Variants in PID1 observed in about 807,000 individuals in gnomAD.
PID1 encodes phosphotyrosine interaction domain containing 1.
PID1 carries 10 observed loss-of-function variants against 19.1 expected under a neutral mutation model. The observed-to-expected ratio is 0.52, with a 90% CI of 0.32 to 0.89. PID1 has a LOEUF of 0.89. Among genes scored for constraint, PID1 ranks in the 40% least tolerant of loss-of-function variants. PID1 has a pLI of 0.03. For missense variants in PID1, 248 were observed against 285.3 expected, an observed-to-expected ratio of 0.87 and a Z score of 0.94; for synonymous variants, 130 against 116.0, an observed-to-expected ratio of 1.12 and a Z score of -0.78.
intron 1 of PID1, among the ~76,000 whole-genome samples, chr2:229,196,636 G>T (rs1397160069): frequency 6.6e-6 from 1 of 151,986 alleles, no homozygotes; most frequent in South Asian, 2.1e-4. Context: ...GTGTCATATC[G>T]CTTATGAAAC....
chr2:229,105,131 G>A (rs182608950), intron 2 of PID1, among the ~76,000 whole-genome samples: 66 of 152,274 alleles, frequency 4.3e-4, no homozygotes, highest in African/African-American at 1.4e-3. Flanking sequence ...ACATCCTTAC[G>A]CAAGAGGGAT....
chr2:229,157,191 A>G (rs1690390462), intron 1 of PID1, among the ~76,000 whole-genome samples: 1 of 152,170 alleles, frequency 6.6e-6, no homozygotes, highest in Admixed American at 6.5e-5. Context: ...TGAAAGTGGG[A>G]GGCCAAGGAA....
chr2:229,068,550 A>G (rs1694380306), intron 2 of PID1, among the ~76,000 whole-genome samples: 1 of 152,198 alleles, frequency 6.6e-6, no homozygotes, highest in Non-Finnish European at 1.5e-5. Context: ...TTTGTCAGTT[A>G]CAGGTATTTG....
rs191595387 is a variant in PID1, at chr2:229,096,834, A to G, written c.177+58984T>C. The stretch of plus-strand genomic sequence containing the variant: ...AAGGATCCCTGCAATGTGCCCTTGT[A>G]ATAATAACCCCACAGTTGGATCTCA... On this transcript the variant is annotated intron_variant, in intron 2 of 2. Transcript: ENST00000392055. Among the ~76,000 whole-genome samples, 92 of 152,288 alleles carry G rather than the reference A, an allele frequency of 6.0e-4. 2 individuals carry two copies. Among genetic ancestry groups the G allele is most frequent in the Admixed American group, 6.0e-3 (91 of 15,290 alleles).
At chr2:229,137,528 T>C (rs571592040) in intron 2 of PID1, among the ~76,000 whole-genome samples, 9 of 152,198 alleles carry the variant, frequency 5.9e-5, no homozygotes, top group Non-Finnish European at 1.2e-4. Flanking sequence ...TCCAATTAGA[T>C]ACTAATGGTT....
At chr2:229,134,231 G>GTTTTTTTTTTTTTTTTTTTTT (rs60513006) in intron 2 of PID1, among the ~76,000 whole-genome samples, 4 of 109,202 alleles carry the variant, frequency 3.7e-5, no homozygotes, top group African/African-American at 1.1e-4. Context: ...TACTACCTGT[G>GTTTTTTTTTTTTTTTTTTTTT]TTTTTTTTTT....
chr2:229,121,769 T>A (rs1695526694), intron 2 of PID1, among the ~76,000 whole-genome samples: 1 of 152,178 alleles, frequency 6.6e-6, no homozygotes, highest in East Asian at 1.9e-4. Context: ...CTACAAGAAG[T>A]CATACACTTG....
chr2:229,110,483 C>T (rs1455835462), intron 2 of PID1, among the ~76,000 whole-genome samples: 1 of 152,094 alleles, frequency 6.6e-6, no homozygotes, highest in Non-Finnish European at 1.5e-5. Context: ...AGGGGCAGTT[C>T]ACAGAATATA....
intron 2 of PID1, among the ~76,000 whole-genome samples, chr2:229,135,997 T>G (rs1173089418): frequency 6.6e-6 from 1 of 152,192 alleles, no homozygotes; most frequent in Non-Finnish European, 1.5e-5. Context: ...GAGTATAAGA[T>G]GGATTTGGTT....
At chr2:229,177,867 A>C (rs1690857918) in intron 1 of PID1, among the ~76,000 whole-genome samples, 1 of 152,164 alleles carries the variant, frequency 6.6e-6, no homozygotes, top group Non-Finnish European at 1.5e-5. Flanking sequence ...ACTACGGTTA[A>C]ACCCATTTAC....
intron 2 of PID1, among the ~76,000 whole-genome samples, chr2:229,112,643 G>A (rs1236819434): frequency 1.3e-5 from 2 of 152,054 alleles, no homozygotes; most frequent in Non-Finnish European, 2.9e-5. Flanking sequence ...CTGCCACCAG[G>A]CCTGGCTAAT....
intron 2 of PID1, among the ~76,000 whole-genome samples, chr2:229,139,099 GAAAGAAAGAAAGAAAGAGAA>G (rs1689943956): frequency 1.4e-5 from 1 of 73,266 alleles, no homozygotes; most frequent in Admixed American, 1.3e-4. Flanking sequence ...AAGAAAGAAA[GAAAGAAAGAAAGAAAGAGAA>G]AGAAAGAAAG....
intron 1 of PID1, among the ~76,000 whole-genome samples, chr2:229,258,070 T>C (rs1690351421): frequency 6.6e-6 from 1 of 152,208 alleles, no homozygotes; most frequent in South Asian, 2.1e-4. Flanking sequence ...CTGAGTCTAC[T>C]GGCCATGGAG....
At chr2:229,047,288 A>C (rs1417603213) in intron 2 of PID1, among the ~76,000 whole-genome samples, 2 of 152,218 alleles carry the variant, frequency 1.3e-5, no homozygotes, top group South Asian at 2.1e-4. Flanking sequence ...TGATCCTTCC[A>C]TCTGGCCCCC....
At chr2:229,055,244 G>T (rs1277610905) in intron 2 of PID1, among the ~76,000 whole-genome samples, 1 of 152,156 alleles carries the variant, frequency 6.6e-6, no homozygotes, top group East Asian at 1.9e-4. Flanking sequence ...CCCTCGACAT[G>T]GCCTCCTTTT....
At chr2:229,049,450 T>C (rs1693946500) in intron 2 of PID1, among the ~76,000 whole-genome samples, 3 of 152,284 alleles carry the variant, frequency 2.0e-5, no homozygotes, top group South Asian at 2.1e-4. Flanking sequence ...ATAAATAATA[T>C]GGGGTGGTAA....
intron 1 of PID1, chr2:229,227,914 A>AGG: frequency 2.2e-6 from 1 of 453,772 alleles, no homozygotes; most frequent in Non-Finnish European, 4.4e-6. Context: ...AATATACAGG[A>AGG]GGGTGTGCAT....
intron 1 of PID1, among the ~76,000 whole-genome samples, chr2:229,175,149 G>GA (rs1690794867): frequency 1.3e-5 from 2 of 152,156 alleles, no homozygotes; most frequent in Non-Finnish European, 2.9e-5. Flanking sequence ...TTTACAAACA[G>GA]AAAAAAAGTT....
rs72386398 is a variant in PID1, at chr2:229,222,864, AACACACACACACAC to A, written c.30+48136_30+48149del. 1.3e-4 allele frequency among the ~76,000 whole-genome samples: 13 copies of A among 103,980 alleles called. No homozygotes were observed. In the South Asian group the frequency reaches 3.3e-3, roughly 26 times the overall value. 68.2% of individuals were successfully genotyped at this position (103,980 alleles called of 152,430 possible). On this transcript the variant is annotated intron_variant, in intron 1 of 2. Coordinates refer to ENST00000392055, the MANE Select transcript of PID1 (RefSeq NM_001100818.2). Reference sequence around the variant, plus strand: ...ATTTTAAAAAGTCTCTTCACACACAAACACACACACACACACACACACACACACACACACACATG... The same window carrying A: ...ATTTTAAAAAGTCTCTTCACACACAAACACACACACACACACACACACATG...
Sources: allele counts gnomAD v4.1 joint callset (sites outside exome capture counted in the v4.1 genomes callset), GRCh38; gene constraint gnomAD v4.1.1; transcripts MANE v1.5; gene names NCBI Gene and HGNC (gene_info 2026-07-23, HGNC 2026-07-21).